MTOR: variants seen among roughly 807,000 people sequenced by gnomAD.
MTOR encodes the protein serine/threonine-protein kinase mTOR.
A neutral mutation model predicts 319.8 loss-of-function variants in MTOR; 70 were observed. The ratio of observed to expected loss-of-function variants is 0.22; its 90% CI spans 0.18 to 0.27. The LOEUF is 0.27. MTOR is among the 10% of genes least tolerant of loss of function. The probability of loss-of-function intolerance (pLI) is 1.00; values close to 1 mark genes in which losing one functional copy is unlikely to be tolerated. For missense variants in MTOR, 1,890 were observed against 3,274.4 expected (o/e 0.58, Z 10.32); for synonymous variants, 1,183 against 1,211.4 (o/e 0.98, Z 0.49).
Position 11,109,846 on chromosome 1 carries a change from G to C in MTOR, c.7367-117C>G, listed in dbSNP as rs1171366314. 1.2e-6 allele frequency: 1 copy of C among 827,962 alleles called. No homozygotes were observed. Among genetic ancestry groups the C allele is most frequent in the African/African-American group, 1.7e-5 (1 of 58,854 alleles). 51.3% of individuals were successfully genotyped at this position (827,962 alleles called of 1,614,324 possible). A position where few individuals can be genotyped will look rare whatever the true frequency, so the allele number is the denominator to read the frequency against. On this transcript the variant is annotated intron_variant, in intron 54 of 57. Coordinates refer to ENST00000361445, the MANE Select transcript of MTOR (RefSeq NM_004958.4). The surrounding 1 kb of genome is among the most constrained non-coding windows in gnomAD (Gnocchi z 4.0). ...TAACGCCTGCCCTACCTACCCTAAA[G>C]GGGAAAAGAGAAGGAAAGTTTTATG...
intron 8 of MTOR, among the ~76,000 whole-genome samples, chr1:11,243,580 C>T (rs779983571): frequency 1.6e-4 from 24 of 150,922 alleles, no homozygotes; most frequent in Non-Finnish European, 2.8e-4. Context: ...CCCAGCTACT[C>T]GGGAGGCTGA....
Position 11,128,728 on chromosome 1 carries a change from G to A in MTOR, c.5811+127C>T, listed in dbSNP as rs1642972488. ...AATATGGACACTTGACACTGGGACC[G>A]AGCCCTACTTCCTTAGCACTGTATT... On this transcript the variant is annotated intron_variant, in intron 41 of 57. Coordinates refer to ENST00000361445, the MANE Select transcript of MTOR (RefSeq NM_004958.4). This position sits in a 1 kb window ranked among gnomAD's most constrained non-coding sequence, Gnocchi z 5.3. 7.9e-6 allele frequency: 8 copies of A among 1,010,504 alleles called. No homozygotes were observed. The highest frequency in any genetic ancestry group is 1.5e-5 in the South Asian group (1 of 67,562). The allele number at this position is 1,010,504 out of a possible 1,614,324, so 62.6% of individuals were successfully genotyped here. A position where few individuals can be genotyped will look rare whatever the true frequency, so the allele number is the denominator to read the frequency against.
intron 13 of MTOR, among the ~76,000 whole-genome samples, chr1:11,235,347 G>A (rs748175759): frequency 3.3e-5 from 5 of 152,116 alleles, no homozygotes; most frequent in African/African-American, 7.2e-5. Flanking sequence ...GGCCAGGCAC[G>A]GTGGCTCATG....
At chr1:11,184,457 T>C (rs1645250856) in intron 28 of MTOR, among the ~76,000 whole-genome samples, 1 of 152,194 alleles carries the variant, frequency 6.6e-6, no homozygotes, top group South Asian at 2.1e-4. Flanking sequence ...GTTTGGGCTG[T>C]GTGTGGTGGC....
intron 28 of MTOR, among the ~76,000 whole-genome samples, chr1:11,191,850 A>G (rs980661094): frequency 1.3e-5 from 2 of 152,226 alleles, no homozygotes; most frequent in African/African-American, 4.8e-5. Context: ...AACATCAACA[A>G]AACCAGACTC....
At chr1:11,138,030 T>C (rs920878192) in intron 36 of MTOR, among the ~76,000 whole-genome samples, 9 of 152,226 alleles carry the variant, frequency 5.9e-5, no homozygotes, top group Admixed American at 3.9e-4. Flanking sequence ...TGATTTTTAA[T>C]TCCACAGAAT....
At chr1:11,161,284 G>A (rs920005813) in intron 29 of MTOR, among the ~76,000 whole-genome samples, 9 of 152,230 alleles carry the variant, frequency 5.9e-5, no homozygotes, top group African/African-American at 9.6e-5. Flanking sequence ...CAAAGTGGCC[G>A]GGAAGCTAGA....
At chr1:11,185,330 C>CT (rs974942155) in intron 28 of MTOR, among the ~76,000 whole-genome samples, 11 of 148,898 alleles carry the variant, frequency 7.4e-5, no homozygotes, top group Non-Finnish European at 1.3e-4. Context: ...AATCCTAGCA[C>CT]TTTGAGAGGC....
chr1:11,187,966 T>G (rs1645376788), intron 28 of MTOR, among the ~76,000 whole-genome samples: 1 of 151,386 alleles, frequency 6.6e-6, no homozygotes, highest in South Asian at 2.1e-4. Flanking sequence ...GATCCTCCAC[T>G]GCTTTTTGAT....
chr1:11,144,576 AG>A (rs1207208194), intron 34 of MTOR, 71 bp downstream of exon 34: 9 of 1,286,350 alleles, frequency 7.0e-6, no homozygotes, highest in African/African-American at 4.4e-5. Flanking sequence ...GCCAGGGTGG[AG>A]GGGGGCACTC....
At chr1:11,130,948 A>T (rs1373337499) in intron 38 of MTOR, 171 bp from the exon 39 acceptor site, 6 of 806,656 alleles carry the variant, frequency 7.4e-6, no homozygotes, top group Non-Finnish European at 1.1e-5. Context: ...ATTCAACATG[A>T]TCCACTCACT....
intron 31 of MTOR, among the ~76,000 whole-genome samples, chr1:11,148,096 G>T (rs1643997159): frequency 6.6e-6 from 1 of 152,080 alleles, no homozygotes; most frequent in South Asian, 2.1e-4. Context: ...TTAACAAAAG[G>T]AGATAGACAA....
intron 28 of MTOR, chr1:11,192,346 CT>C (rs1645573860): frequency 1.2e-6 from 2 of 1,613,944 alleles, no homozygotes; most frequent in Non-Finnish European, 1.7e-6. Flanking sequence ...CTCCTGATGA[CT>C]TCCTGGGCAG....
At chr1:11,236,177 C>T (rs1429997368) in intron 13 of MTOR, among the ~76,000 whole-genome samples, 1 of 149,634 alleles carries the variant, frequency 6.7e-6, no homozygotes, top group African/African-American at 2.5e-5. Context: ...CACTCTGTCA[C>T]CCAGGCTGGA....
chr1:11,159,505 G>A (rs1280361637), intron 29 of MTOR, among the ~76,000 whole-genome samples: 1 of 152,144 alleles, frequency 6.6e-6, no homozygotes, highest in Non-Finnish European at 1.5e-5. Context: ...GCTGAGCGTG[G>A]TGGTGCATGC....
intron 15 of MTOR, chr1:11,232,981 T>A (rs1175600051): frequency 2.3e-6 from 2 of 857,178 alleles, no homozygotes; most frequent in African/African-American, 3.4e-5. Flanking sequence ...CACAAGACTT[T>A]CAGAATTAAG....
intron 26 of MTOR, among the ~76,000 whole-genome samples, chr1:11,203,518 T>G (rs1213073922): frequency 6.6e-6 from 1 of 151,540 alleles, no homozygotes; most frequent in Admixed American, 6.6e-5. Context: ...TTACTAAAAA[T>G]ACAAAATTAG....
chr1:11,186,023 C>T (rs1645307996), intron 28 of MTOR, among the ~76,000 whole-genome samples: 1 of 138,546 alleles, frequency 7.2e-6, no homozygotes, highest in South Asian at 2.3e-4. Context: ...GCAGAGCTTC[C>T]AGTGAGCCAA....
chr1:11,240,645 C>T, intron 10 of MTOR, 98 bp from the exon 11 acceptor site: 1 of 1,442,796 alleles, frequency 6.9e-7, no homozygotes, highest in Non-Finnish European at 9.4e-7. Flanking sequence ...GGGATCAGGC[C>T]TCTGTTCTTC....
Sources: allele counts gnomAD v4.1 joint callset (sites outside exome capture counted in the v4.1 genomes callset), GRCh38; gene constraint gnomAD v4.1.1; non-coding constraint Gnocchi (gnomAD v3.1); transcripts MANE v1.5; gene names NCBI Gene and HGNC (gene_info 2026-07-23, HGNC 2026-07-21).